DENND4C: variants seen among roughly 807,000 people sequenced by gnomAD.
DENND4C encodes the protein DENN domain-containing protein 4C.
A neutral mutation model predicts 203.0 loss-of-function variants in DENND4C; 108 were observed. The observed-to-expected ratio is 0.53, with a 90% confidence interval of 0.46 to 0.62. The LOEUF (loss-of-function observed/expected upper bound fraction) is 0.62. Among genes scored for constraint, DENND4C ranks in the 20% least tolerant of loss-of-function variants. The pLI is 0.00. For synonymous variants in DENND4C, 871 were observed against 792.4 expected (o/e 1.10, Z -1.67); for missense variants, 2,481 against 2,301.2 (o/e 1.08, Z -1.60).
chr9:19,318,029 GTTT>G (rs1842132186), intron 12 of DENND4C, among the ~76,000 whole-genome samples: 1 of 152,162 alleles, frequency 6.6e-6, no homozygotes, highest in African/African-American at 2.4e-5. Flanking sequence ...GCTTATTAAA[GTTT>G]TCTCTAATGG....
At chr9:19,237,813 A>G (rs113411233) in intron 1 of DENND4C, among the ~76,000 whole-genome samples, 2,198 of 152,308 alleles carry the variant, frequency 0.014, 49 homozygotes, top group African/African-American at 0.05. Flanking sequence ...TAAATTTTAT[A>G]TACCCCCACA....
At chr9:19,305,040 T>G (rs1302487150) in intron 9 of DENND4C, among the ~76,000 whole-genome samples, 1 of 152,142 alleles carries the variant, frequency 6.6e-6, no homozygotes, top group East Asian at 1.9e-4. Context: ...TGGGGCCATT[T>G]TATTTTATTT....
intron 6 of DENND4C, among the ~76,000 whole-genome samples, chr9:19,297,161 A>G (rs1324120132): frequency 6.6e-6 from 1 of 152,224 alleles, no homozygotes; most frequent in Admixed American, 6.5e-5. Context: ...GTAATGTATT[A>G]AAGTATGTGT....
chr9:19,338,929 C>G (rs1339090891), intron 20 of DENND4C, among the ~76,000 whole-genome samples: 3 of 152,154 alleles, frequency 2.0e-5, no homozygotes, highest in Non-Finnish European at 1.5e-5. Flanking sequence ...CATCTTTATA[C>G]TGTTTTCTCT....
intron 1 of DENND4C, 129 bp from the exon 2 acceptor site, chr9:19,276,029 A>C (rs1277255946): frequency 4.3e-6 from 2 of 460,364 alleles, no homozygotes; most frequent in Non-Finnish European, 7.0e-6. Flanking sequence ...GCTTCTTCTC[A>C]GAATGGCAAT....
At chr9:19,261,482 TC>T (rs1368333494) in intron 1 of DENND4C, among the ~76,000 whole-genome samples, 1 of 151,794 alleles carries the variant, frequency 6.6e-6, no homozygotes, top group Non-Finnish European at 1.5e-5. Context: ...TTTGAGTCTT[TC>T]AATCCATGGA....
chr9:19,261,768 A>G (rs1362220576), intron 1 of DENND4C, among the ~76,000 whole-genome samples: 1 of 151,700 alleles, frequency 6.6e-6, no homozygotes, highest in African/African-American at 2.4e-5. Flanking sequence ...GCTTTCCAAC[A>G]TGCTGGGATA....
At chr9:19,273,480 G>T (rs968906156) in intron 1 of DENND4C, among the ~76,000 whole-genome samples, 7 of 152,002 alleles carry the variant, frequency 4.6e-5, no homozygotes, top group Non-Finnish European at 1.0e-4. Flanking sequence ...ATAAGACCCT[G>T]TAAGAGAATA....
chr9:19,299,554 T>C (rs1054574638), intron 8 of DENND4C, among the ~76,000 whole-genome samples: 1 of 152,148 alleles, frequency 6.6e-6, no homozygotes, highest in African/African-American at 2.4e-5. Flanking sequence ...CCCCTTCCCA[T>C]ATCCAGTTCA....
At position 19,357,151 on chromosome 9, in the gene DENND4C, C is replaced by G; in HGVS notation, c.4961C>G (p.Pro1654Arg). ...ITEETGSAVE[P>R]SDEIKRASGD... is the part of the protein sequence containing the mutation. ...GAAGAAACAGGCTCTGCAGTTGAAC[C>G]AAGGTATCAAAGGGTACAGAGACCT... The change falls in exon 27 of 33, where the codon CCA becomes CGA. Residue 1654 changes from proline (P) to arginine (R), a missense_variant. This residue lies in a region of DENND4C where 2,289 missense variants were observed against 2,113.3 expected (regional missense o/e 1.08). Transcript: ENST00000434457. 1 of 1,613,738 alleles carries G rather than the reference C, an allele frequency of 6.2e-7. No homozygotes were observed. The highest frequency in any genetic ancestry group is 1.1e-5 in the South Asian group (1 of 91,054).
intron 20 of DENND4C, among the ~76,000 whole-genome samples, chr9:19,339,879 G>A (rs1056367686): frequency 6.6e-6 from 1 of 152,020 alleles, no homozygotes; most frequent in Non-Finnish European, 1.5e-5. Flanking sequence ...TTTATTATCA[G>A]TATGGACTGA....
chr9:19,350,929 T>A lies in DENND4C; in HGVS notation c.4495+50T>A, dbSNP rs75768183. ...TCATTTGCTTTATAATAGTTTTTGC[T>A]TTTTTTTTTTAATTTAAGAGACGGG... On this transcript the variant is annotated intron_variant, in intron 24 of 32. Transcript: ENST00000434457. The A allele has an allele frequency of 5.8e-6, 3 of 515,830 alleles. No individual in the cohort carries two copies. The African/African-American group carries it at 9.2e-5, about 16-fold the overall frequency. The allele number at this position is 515,830 out of a possible 1,614,324, so 32.0% of individuals were successfully genotyped here. A position where few individuals can be genotyped will look rare whatever the true frequency, so the allele number is the denominator to read the frequency against.
intron 31 of DENND4C, chr9:19,371,384 TCTG>T (rs1191900395): frequency 6.2e-6 from 1 of 161,992 alleles, no homozygotes. Flanking sequence ...GAGAGAAGAC[TCTG>T]CTTTTGTAAA....
chr9:19,329,101 A>C (rs763479570), intron 16 of DENND4C, among the ~76,000 whole-genome samples: 18 of 152,162 alleles, frequency 1.2e-4, no homozygotes, highest in Non-Finnish European at 2.2e-4. Flanking sequence ...ACCCACTTAA[A>C]GTGTATGATT....
At chr9:19,281,395 C>T (rs866461204) in intron 2 of DENND4C, among the ~76,000 whole-genome samples, 1 of 152,168 alleles carries the variant, frequency 6.6e-6, no homozygotes. Context: ...ACTTTCCCCC[C>T]ACTCTTTCCT....
upstream of DENND4C, chr9:19,230,601 CG>C (rs1011867283): frequency 5.9e-5 from 9 of 152,088 alleles, no homozygotes; most frequent in African/African-American, 2.2e-4. Context: ...GCTCACAGCG[CG>C]GAGGCACCCG....
chr9:19,280,575 A>G (rs1833851956), intron 2 of DENND4C, among the ~76,000 whole-genome samples: 1 of 151,974 alleles, frequency 6.6e-6, no homozygotes, highest in African/African-American at 2.4e-5. Context: ...CCTTAAGAAG[A>G]TAGGTAATAT....
chr9:19,361,689 A>G (rs1454816347), intron 29 of DENND4C, among the ~76,000 whole-genome samples, 157 bp from the exon 30 acceptor site: 1 of 152,196 alleles, frequency 6.6e-6, no homozygotes, highest in African/African-American at 2.4e-5. Context: ...TAATAATAAC[A>G]TTTGTCATCA....
At position 19,331,999 on chromosome 9, in the gene DENND4C, T is replaced by C. The variant is rs1819327824; in HGVS notation, c.2275T>C (p.Leu759=). 1 of 1,613,832 alleles carries C rather than the reference T, an allele frequency of 6.2e-7. No homozygotes were observed. The highest frequency in any genetic ancestry group is 2.2e-5 in the East Asian group (1 of 44,856). ...CTAGGAAATAAAAACAGCTCATAAA[T>C]TGGCGAAGAGATGTTATACAAATCC... The part of the protein sequence containing the change: ...TKQEIKTAHK[L]AKRCYTNPPQ... The change falls in exon 17 of 33, where the codon TTG becomes CTG. Residue 759 remains leucine, a synonymous_variant. Transcript: ENST00000434457.
Sources: gnomAD v4.1 joint callset for allele counts (sites outside exome capture counted in the v4.1 genomes callset) on GRCh38, gnomAD v4.1.1 for gene constraint, gnomAD v4.1.1 regional missense constraint, MANE v1.5 for transcripts, NCBI Gene and HGNC (gene_info 2026-07-23, HGNC 2026-07-21) for gene names.